APBB2: variants seen among roughly 807,000 people sequenced by gnomAD.
APBB2 encodes amyloid beta precursor protein binding family B member 2.
Under a neutral mutation model 82.5 loss-of-function variants are expected in APBB2, and 38 were observed. The observed-to-expected ratio is 0.46, with a 90% confidence interval of 0.36 to 0.60. APBB2 has a LOEUF of 0.60. Ranked by LOEUF, APBB2 falls within the 20% of genes least tolerant of loss-of-function variation. APBB2 has a pLI of 0.00. For missense variants in APBB2, 772 were observed against 972.3 expected (o/e 0.79, Z 2.74); for synonymous variants, 341 against 368.2 (o/e 0.93, Z 0.85).
chr4:41,148,550 A>G (rs1311931245), intron 1 of APBB2, among the ~76,000 whole-genome samples: 1 of 152,230 alleles, frequency 6.6e-6, no homozygotes, highest in African/African-American at 2.4e-5. Flanking sequence ...CAATACAACC[A>G]TGAACACTAA....
intron 6 of APBB2, among the ~76,000 whole-genome samples, chr4:40,972,833 A>G (rs1796290892): frequency 6.6e-6 from 1 of 152,220 alleles, no homozygotes; most frequent in South Asian, 2.1e-4. Flanking sequence ...GATAGAGTCA[A>G]TTTTGCTCAG....
chr4:41,148,949 T>A (rs768307480), intron 1 of APBB2, among the ~76,000 whole-genome samples: 1 of 152,230 alleles, frequency 6.6e-6, no homozygotes, highest in African/African-American at 2.4e-5. Context: ...TCTGCTTCAA[T>A]ACAATGATTT....
intron 3 of APBB2, among the ~76,000 whole-genome samples, chr4:41,081,200 T>A (rs987347721): frequency 6.6e-6 from 1 of 152,238 alleles, no homozygotes; most frequent in African/African-American, 2.4e-5. Flanking sequence ...CAATCCCAGA[T>A]TATTCCTCTC....
chr4:40,982,069 C>T (rs1417268377), intron 6 of APBB2, among the ~76,000 whole-genome samples: 2 of 151,100 alleles, frequency 1.3e-5, no homozygotes, highest in African/African-American at 4.9e-5. Flanking sequence ...CCTGTAATCC[C>T]AGCTACTTGG....
chr4:41,151,566 G>A (rs1483083267), intron 1 of APBB2, among the ~76,000 whole-genome samples: 1 of 152,114 alleles, frequency 6.6e-6, no homozygotes, highest in Non-Finnish European at 1.5e-5. Context: ...GATCTTCTGT[G>A]GTAAAATCAG....
In APBB2 at chr4:40,814,734, A is replaced by G. The variant is rs1432423192; in HGVS notation, c.*1358T>C. On this transcript the variant is annotated 3_prime_UTR_variant, in exon 18 of 18. Transcript: ENST00000508593. Reference sequence around the variant, plus strand: ...ACTTCCTTTTAAAACGACAATGTCAACGAGAGTCTAAATTTGTATGTCTTT... The same window carrying G: ...ACTTCCTTTTAAAACGACAATGTCAGCGAGAGTCTAAATTTGTATGTCTTT... 6.6e-6 allele frequency: 1 copy of G among 152,248 alleles called. No homozygotes were observed. The highest frequency in any genetic ancestry group is 1.5e-5 in the Non-Finnish European group (1 of 68,044). The allele number at this position is 152,248 out of a possible 1,614,324, so 9.4% of individuals were successfully genotyped here.
chr4:40,845,187 A>G (rs1757108426), intron 12 of APBB2, among the ~76,000 whole-genome samples: 2 of 152,358 alleles, frequency 1.3e-5, no homozygotes, highest in East Asian at 3.9e-4. Flanking sequence ...GACACCGCAG[A>G]GTGATATTTG....
intron 6 of APBB2, among the ~76,000 whole-genome samples, chr4:40,946,460 A>ATATGT (rs10629148): frequency 0.2 from 30,688 of 151,732 alleles, 3,648 homozygotes; most frequent in Admixed American, 0.27. Context: ...GCCAAATAAA[A>ATATGT]TACGTCTACT....
chr4:40,925,858 G>C (rs771505715), intron 10 of APBB2, among the ~76,000 whole-genome samples: 9 of 152,190 alleles, frequency 5.9e-5, no homozygotes, highest in Non-Finnish European at 1.2e-4. Flanking sequence ...GGAGGGCACA[G>C]ATAAATAAAG....
At chr4:41,037,329 A>G (rs1719619082) in intron 4 of APBB2, among the ~76,000 whole-genome samples, 1 of 152,214 alleles carries the variant, frequency 6.6e-6, no homozygotes, top group Non-Finnish European at 1.5e-5. Flanking sequence ...TTAAATATTG[A>G]TTGCATGTTG....
intron 12 of APBB2, among the ~76,000 whole-genome samples, chr4:40,849,316 G>A (rs558915726): frequency 1.3e-4 from 20 of 152,306 alleles, no homozygotes; most frequent in Admixed American, 3.3e-4. Flanking sequence ...AAAGCCAAGC[G>A]AATCTATACT....
intron 12 of APBB2, 185 bp downstream of exon 12, chr4:40,890,179 G>C: frequency 2.8e-6 from 2 of 715,640 alleles, no homozygotes; most frequent in Non-Finnish European, 4.2e-6. Context: ...ACAGAAACCA[G>C]GAAGGGAAGC....
chr4:40,881,761 T>C (rs1768679330), intron 12 of APBB2, among the ~76,000 whole-genome samples: 1 of 152,010 alleles, frequency 6.6e-6, no homozygotes, highest in South Asian at 2.1e-4. Flanking sequence ...CTCAAACTCC[T>C]GGCCTCAAGT....
At chr4:41,047,603 C>A (rs552639692) in intron 4 of APBB2, among the ~76,000 whole-genome samples, 3 of 152,326 alleles carry the variant, frequency 2.0e-5, no homozygotes, top group African/African-American at 7.2e-5. Flanking sequence ...CAGAAGGACA[C>A]CAAGCTGTAG....
rs573135515 is a variant in APBB2, at chr4:40,831,382, A to G, written c.1530-805T>C. On this transcript the variant is annotated intron_variant, in intron 12 of 17. Transcript: ENST00000508593. ...GTGCCACTGCACTCCAGCCTGGGGG[A>G]CAAGGGTGAAACTCCCTCTGAAAAA... Among the ~76,000 whole-genome samples the G allele has an allele frequency of 3.3e-5, 5 of 151,746 alleles. No homozygotes were observed. The South Asian group carries it at 1.0e-3, about 31-fold the overall frequency.
At chr4:40,935,252 G>A (rs763977332) in intron 7 of APBB2, 113 bp from the exon 8 acceptor site, 6 of 776,850 alleles carry the variant, frequency 7.7e-6, no homozygotes, top group Non-Finnish European at 1.2e-5. Flanking sequence ...TTCACAAGAT[G>A]GGTTAGGGAA....
intron 6 of APBB2, among the ~76,000 whole-genome samples, chr4:40,986,416 C>T (rs894250040): frequency 3.3e-5 from 5 of 152,186 alleles, no homozygotes; most frequent in African/African-American, 9.7e-5. Context: ...AAATAAACAG[C>T]TTCATGTGTA....
chr4:41,185,346 G>A (rs1772607157), intron 1 of APBB2, among the ~76,000 whole-genome samples: 1 of 152,060 alleles, frequency 6.6e-6, no homozygotes, highest in Admixed American at 6.5e-5. Flanking sequence ...TTTTCCTAAG[G>A]TTCACTTCTT....
intron 6 of APBB2, among the ~76,000 whole-genome samples, chr4:40,987,205 T>C (rs1028587851): frequency 6.4e-5 from 9 of 140,326 alleles, no homozygotes; most frequent in Non-Finnish European, 1.4e-4. Flanking sequence ...AGTTAAACAA[T>C]ATGATACTAA....
Sources: gnomAD v4.1 joint callset for allele counts (sites outside exome capture counted in the v4.1 genomes callset) on GRCh38, gnomAD v4.1.1 for gene constraint, MANE v1.5 for transcripts, NCBI Gene and HGNC (gene_info 2026-07-23, HGNC 2026-07-21) for gene names.